RSU1: variants seen among roughly 807,000 people sequenced by gnomAD.
RSU1 encodes the protein Ras suppressor protein 1.
RSU1 carries 26 observed loss-of-function variants against 31.1 expected under a neutral mutation model. The ratio of observed to expected loss-of-function variants is 0.84; its 90% CI spans 0.61 to 1.16. The LOEUF (loss-of-function observed/expected upper bound fraction) is 1.16, where lower values mean the gene tolerates loss of function less well. Among genes scored for constraint, RSU1 ranks in the 50% most tolerant of loss-of-function variants. RSU1 has a pLI of 0.00. For synonymous variants in RSU1, 164 were observed against 136.3 expected (o/e 1.20, Z -1.41); for missense variants, 320 against 339.1 (o/e 0.94, Z 0.44).
intron 3 of RSU1, among the ~76,000 whole-genome samples, chr10:16,769,419 G>A (rs1034646460): frequency 6.6e-6 from 1 of 152,268 alleles, no homozygotes; most frequent in African/African-American, 2.4e-5. Flanking sequence ...ACAGCCACAT[G>A]TGGTGACCAG....
At chr10:16,656,244 C>T (rs1330984783) in intron 8 of RSU1, among the ~76,000 whole-genome samples, 1 of 151,966 alleles carries the variant, frequency 6.6e-6, no homozygotes, top group Non-Finnish European at 1.5e-5. Context: ...TGTTTCCATA[C>T]AGATTTGCCT....
At chr10:16,603,164 G>A (rs1272897090) in intron 8 of RSU1, among the ~76,000 whole-genome samples, 2 of 152,186 alleles carry the variant, frequency 1.3e-5, no homozygotes, top group African/African-American at 2.4e-5. Context: ...AGTGGAGAAA[G>A]AAAGTATAAA....
chr10:16,601,397 A>T (rs1285345696), intron 8 of RSU1, among the ~76,000 whole-genome samples: 1 of 152,206 alleles, frequency 6.6e-6, no homozygotes. Flanking sequence ...GTATATGTAT[A>T]TTTCGGCAGA....
chr10:16,615,359 T>C (rs904064207), intron 8 of RSU1, among the ~76,000 whole-genome samples: 1 of 152,054 alleles, frequency 6.6e-6, no homozygotes, highest in Non-Finnish European at 1.5e-5. Context: ...ATGCACCCAA[T>C]ACAGGAGCAC....
chr10:16,741,162 C>G (rs1302453604), intron 7 of RSU1, among the ~76,000 whole-genome samples: 1 of 152,192 alleles, frequency 6.6e-6, no homozygotes, highest in Non-Finnish European at 1.5e-5. Context: ...AACTATATAT[C>G]TGCTGTCAAT....
intron 8 of RSU1, among the ~76,000 whole-genome samples, chr10:16,624,504 G>A (rs138527853): frequency 3.3e-4 from 50 of 152,138 alleles, no homozygotes; most frequent in Non-Finnish European, 5.7e-4. Flanking sequence ...CAGGTGGTCC[G>A]TAACCACCCT....
chr10:16,801,523 A>C (rs1307400374), intron 2 of RSU1, among the ~76,000 whole-genome samples: 3 of 152,164 alleles, frequency 2.0e-5, no homozygotes, highest in African/African-American at 7.2e-5. Context: ...TAAAAACACA[A>C]CACCACCATC....
intron 8 of RSU1, among the ~76,000 whole-genome samples, chr10:16,593,699 C>T (rs573262279): frequency 1.3e-4 from 20 of 152,198 alleles, no homozygotes; most frequent in Non-Finnish European, 2.5e-4. Flanking sequence ...CCATGATGTC[C>T]GATCACGGAC....
At chr10:16,806,356 C>G (rs894863120) in intron 2 of RSU1, among the ~76,000 whole-genome samples, 3 of 152,178 alleles carry the variant, frequency 2.0e-5, no homozygotes, top group African/African-American at 7.2e-5. Context: ...CTGTCAGAAA[C>G]CAGTAAGGCA....
chr10:16,749,069 G>C (rs908071167), intron 7 of RSU1, among the ~76,000 whole-genome samples: 2 of 152,084 alleles, frequency 1.3e-5, no homozygotes, highest in African/African-American at 4.8e-5. Flanking sequence ...TGGACTCAAA[G>C]GTCTGCCCTC....
rs201817745 is a variant in RSU1 at position 16,778,016 on chromosome 10, AC to A, written c.160+4017del. 1.2e-3 allele frequency among the ~76,000 whole-genome samples: 140 copies of A among 118,470 alleles called. No homozygotes were observed. In the East Asian group the frequency reaches 0.032, roughly 27 times the overall value. 77.7% of individuals were successfully genotyped at this position (118,470 alleles called of 152,430 possible). On this transcript the variant is annotated intron_variant, in intron 3 of 8. Coordinates refer to ENST00000345264, the MANE Select transcript of RSU1 (RefSeq NM_012425.4). The stretch of plus-strand genomic sequence containing the variant: ...TCATTTATTGGACATAAGGTCATAT[AC>A]CTTTTTTTTTTTTTTTTTTTTGAGA...
intron 8 of RSU1, among the ~76,000 whole-genome samples, chr10:16,693,057 G>A (rs971094067): frequency 6.6e-6 from 1 of 152,038 alleles, no homozygotes; most frequent in Non-Finnish European, 1.5e-5. Flanking sequence ...CTGCCTCCCT[G>A]GCTCAAGCGA....
In RSU1 at chr10:16,662,499, C is replaced by T. The variant is rs553178151; in HGVS notation, c.731+32524G>A. On this transcript the variant is annotated intron_variant, in intron 8 of 8. Transcript: ENST00000345264. ...TTTTCACTTTCCTAATAAAATTACACTGACACCTTTTGCCTGTCCTTATAA... is the reference window on the plus strand; with the variant it reads ...TTTTCACTTTCCTAATAAAATTACATTGACACCTTTTGCCTGTCCTTATAA... Among the ~76,000 whole-genome samples, 58 of 152,308 alleles carry T rather than the reference C, an allele frequency of 3.8e-4. No homozygotes were observed. The South Asian group carries it at 0.011, about 30-fold the overall frequency.
chr10:16,659,958 T>C (rs192810557), intron 8 of RSU1, among the ~76,000 whole-genome samples: 7 of 152,320 alleles, frequency 4.6e-5, no homozygotes, highest in East Asian at 1.9e-4. Flanking sequence ...TCTCCACTAG[T>C]GGGAAATAAT....
chr10:16,751,426 T>C (rs1369270189), intron 7 of RSU1, among the ~76,000 whole-genome samples: 2 of 152,150 alleles, frequency 1.3e-5, no homozygotes, highest in African/African-American at 4.8e-5. Flanking sequence ...GTGACTGCCT[T>C]CCCTTTAGAC....
At chr10:16,696,153 T>C (rs1168487790) in intron 7 of RSU1, among the ~76,000 whole-genome samples, 3 of 152,186 alleles carry the variant, frequency 2.0e-5, no homozygotes, top group African/African-American at 4.8e-5. Flanking sequence ...ACTGAGGAAA[T>C]CAATTTTCAC....
At chr10:16,684,538 C>T (rs182326996) in intron 8 of RSU1, among the ~76,000 whole-genome samples, 31 of 152,074 alleles carry the variant, frequency 2.0e-4, no homozygotes, top group Admixed American at 3.3e-4. Context: ...GACACAGAGA[C>T]AGAGATACCT....
intron 8 of RSU1, among the ~76,000 whole-genome samples, chr10:16,690,070 CAA>C (rs1399088196): frequency 6.6e-6 from 1 of 152,142 alleles, no homozygotes; most frequent in Non-Finnish European, 1.5e-5. Context: ...TGGAAATGTG[CAA>C]AGTGTGAGTT....
At chr10:16,746,216 A>T (rs1431832300) in intron 7 of RSU1, among the ~76,000 whole-genome samples, 1 of 152,214 alleles carries the variant, frequency 6.6e-6, no homozygotes, top group East Asian at 1.9e-4. Flanking sequence ...TCTCATAGTT[A>T]CTGTAGTAAA....
Sources: allele counts gnomAD v4.1 joint callset (sites outside exome capture counted in the v4.1 genomes callset), GRCh38; gene constraint gnomAD v4.1.1; transcripts MANE v1.5; gene names NCBI Gene and HGNC (gene_info 2026-07-23, HGNC 2026-07-21).